FRMD1: variants seen among roughly 807,000 people sequenced by gnomAD.
The protein encoded by FRMD1 is FERM domain-containing protein 1.
In FRMD1, 51 loss-of-function variants were observed where a neutral mutation model predicts 54.9. That is an observed-to-expected ratio of 0.93 (90% CI 0.74 to 1.17). FRMD1 has a LOEUF of 1.17. Among genes scored for constraint, FRMD1 ranks in the 50% most tolerant of loss-of-function variants. FRMD1 has a pLI of 0.00. For synonymous variants in FRMD1, 324 were observed against 306.4 expected (o/e 1.06, Z -0.60); for missense variants, 729 against 743.0 (o/e 0.98, Z 0.22).
intron 1 of FRMD1, among the ~76,000 whole-genome samples, chr6:168,086,757 C>T (rs1257490744): frequency 6.6e-6 from 1 of 152,188 alleles, no homozygotes; most frequent in Non-Finnish European, 1.5e-5. Context: ...CCTTGTGGAA[C>T]AAGCTGGGCT....
Position 168,059,234 on chromosome 6 carries a change from G to T in FRMD1, c.1343-46C>A. On this transcript the variant is annotated intron_variant, in intron 9 of 10. Coordinates refer to ENST00000283309, the MANE Select transcript of FRMD1 (RefSeq NM_024919.6). The surrounding 1 kb of genome is among the most constrained non-coding windows in gnomAD (Gnocchi z 4.4). ...GAGCACAGGTGTCTGGGTTCTGCCC[G>T]ACATGGCTCCTCCCCAGGGCAGTTC... 6.6e-7 allele frequency: 1 copy of T among 1,506,164 alleles called. No individual in the cohort carries two copies. 93.3% of individuals were successfully genotyped at this position (1,506,164 alleles called of 1,614,324 possible). A position where few individuals can be genotyped will look rare whatever the true frequency, so the allele number is the denominator to read the frequency against.
At chr6:168,066,325 C>A (rs1800023715) in intron 4 of FRMD1, 1 of 578,758 alleles carries the variant, frequency 1.7e-6, no homozygotes. Flanking sequence ...ACAGAGAAAC[C>A]CCGTCTCTAC....
upstream of FRMD1, among the ~76,000 whole-genome samples, chr6:168,081,058 A>T (rs556836849): frequency 5.6e-4 from 85 of 152,240 alleles, no homozygotes; most frequent in African/African-American, 2.0e-3. Flanking sequence ...CTTCCTTCCC[A>T]CCCAGAGTCT....
upstream of FRMD1, among the ~76,000 whole-genome samples, chr6:168,085,949 T>C (rs1800910930): frequency 6.6e-6 from 1 of 152,266 alleles, no homozygotes; most frequent in Non-Finnish European, 1.5e-5. Context: ...TGCTGGGTGC[T>C]AATGGTGAAT....
chr6:168,083,704 G>GC (rs1224837959), upstream of FRMD1, among the ~76,000 whole-genome samples: 3 of 152,144 alleles, frequency 2.0e-5, no homozygotes. Context: ...CAGGGCTGGG[G>GC]CCCCAGCCTT....
rs1271735953 is a variant in FRMD1, at chr6:168,053,855, A to G, written c.*3242T>C. 6.6e-6 allele frequency: 1 copy of G among 152,258 alleles called. No homozygotes were observed. Among genetic ancestry groups the G allele is most frequent in the Non-Finnish European group, 1.5e-5 (1 of 68,100 alleles). 9.4% of individuals were successfully genotyped at this position (152,258 alleles called of 1,614,324 possible). Reference sequence around the variant, plus strand: ...TTGCTGGCTGCCCCGGGCCTCCCAGATGGGCACCTGAGGACCCCGGCCTCC... The same window carrying G: ...TTGCTGGCTGCCCCGGGCCTCCCAGGTGGGCACCTGAGGACCCCGGCCTCC... On this transcript the variant is annotated 3_prime_UTR_variant, in exon 11 of 11. Transcript: ENST00000283309.
Position 168,056,929 on chromosome 6 carries a change from T to G in FRMD1, c.*168A>C. 1 of 750,214 alleles carries G rather than the reference T, an allele frequency of 1.3e-6. No individual in the cohort carries two copies. The highest frequency in any genetic ancestry group is 1.9e-6 in the Non-Finnish European group (1 of 515,946). The allele number at this position is 750,214 out of a possible 1,614,324, so 46.5% of individuals were successfully genotyped here. A position where few individuals can be genotyped will look rare whatever the true frequency, so the allele number is the denominator to read the frequency against. On this transcript the variant is annotated 3_prime_UTR_variant, in exon 11 of 11. Transcript: ENST00000283309. The stretch of plus-strand genomic sequence containing the variant: ...CGGGACCTGTTTGTTACCTCCCAGG[T>G]TGATGTCAGAGCCAGCTCCACACCT...
chr6:168,071,508 C>T (rs1175566036), intron 2 of FRMD1, among the ~76,000 whole-genome samples: 2 of 152,122 alleles, frequency 1.3e-5, no homozygotes, highest in Non-Finnish European at 2.9e-5. Flanking sequence ...GTTGAGGGGC[C>T]GGTTCTGAGT....
intron 9 of FRMD1, among the ~76,000 whole-genome samples, chr6:168,060,484 C>T (rs974004408): frequency 3.3e-5 from 5 of 152,114 alleles, no homozygotes; most frequent in Non-Finnish European, 7.4e-5. Flanking sequence ...AGGATCCCAC[C>T]TCTCCTGTCT....
At chr6:168,080,478 A>G (rs919024067), upstream of FRMD1, among the ~76,000 whole-genome samples, 3 of 151,860 alleles carry the variant, frequency 2.0e-5, no homozygotes, top group Non-Finnish European at 4.4e-5. Context: ...AGCCCCAGAG[A>G]GCAGAGGCTG....
intron 1 of FRMD1, among the ~76,000 whole-genome samples, chr6:168,087,577 TG>T (rs1562435908): frequency 6.6e-6 from 1 of 152,194 alleles, no homozygotes; most frequent in Non-Finnish European, 1.5e-5. Context: ...GAGGGTGCAG[TG>T]GCCCTCCTCC....
chr6:168,090,167 C>T (rs1489923829), intron 1 of FRMD1, among the ~76,000 whole-genome samples: 1 of 152,082 alleles, frequency 6.6e-6, no homozygotes. Context: ...GGCTCGTCTC[C>T]CTCCTGAATG....
chr6:168,075,703 C>A, intron 1 of FRMD1: 1 of 1,484,512 alleles, frequency 6.7e-7, no homozygotes, highest in Non-Finnish European at 9.2e-7. Flanking sequence ...CAAATGAATG[C>A]TTGGTTCCCC....
At chr6:168,083,786 C>G (rs1800876245), upstream of FRMD1, among the ~76,000 whole-genome samples, 1 of 152,222 alleles carries the variant, frequency 6.6e-6, no homozygotes, top group Non-Finnish European at 1.5e-5. Flanking sequence ...CATCCTGTCC[C>G]TGGCCGGGGA....
At chr6:168,068,007 G>C (rs1484606743) in intron 2 of FRMD1, among the ~76,000 whole-genome samples, 1 of 152,110 alleles carries the variant, frequency 6.6e-6, no homozygotes, top group South Asian at 2.1e-4. Flanking sequence ...AGCTACTCAG[G>C]GGGCTGAGGC....
chr6:168,061,472 T>A (rs1346159121), intron 8 of FRMD1, among the ~76,000 whole-genome samples: 1 of 152,116 alleles, frequency 6.6e-6, no homozygotes, highest in Non-Finnish European at 1.5e-5. Context: ...GGCCTGTGGG[T>A]AAACACTGAG....
intron 9 of FRMD1, among the ~76,000 whole-genome samples, chr6:168,060,491 GTCTC>G (rs143861390): frequency 6.6e-6 from 1 of 152,136 alleles, no homozygotes; most frequent in Admixed American, 6.5e-5. Flanking sequence ...CACCTCTCCT[GTCTC>G]TGATCCCAGC....
At position 168,063,725 on chromosome 6, in the gene FRMD1, A is replaced by C. The variant is rs1225652208; in HGVS notation, c.680T>G (p.Leu227Arg). The C allele has an allele frequency of 1.2e-6, 2 of 1,613,324 alleles. No homozygotes were observed. Among genetic ancestry groups the C allele is most frequent in the African/African-American group, 1.3e-5 (1 of 74,888 alleles). ...IITKRGIDYI[L>R]RHMPTLHRER... ...ACGGTGCAGGGTAGGCATGTGCCGG[A>C]GGATGTAGTCAATCCCCCTCTTGGT... Residue 227 changes from leucine to arginine, a missense_variant, in exon 6 of 11, where the codon CTC (leucine) becomes CGC (arginine). By Grantham distance (102) the Leu-to-Arg change is moderately radical. Coordinates refer to ENST00000283309, the MANE Select transcript of FRMD1 (RefSeq NM_024919.6).
At chr6:168,089,839 G>A (rs140150398) in intron 1 of FRMD1, among the ~76,000 whole-genome samples, 6 of 152,330 alleles carry the variant, frequency 3.9e-5, no homozygotes, top group African/African-American at 1.4e-4. Context: ...GGGAAAGCAC[G>A]TGAGCCCCGC....
Sources: allele counts gnomAD v4.1 joint callset (sites outside exome capture counted in the v4.1 genomes callset), GRCh38; gene constraint gnomAD v4.1.1; non-coding constraint Gnocchi (gnomAD v3.1); transcripts MANE v1.5; gene names NCBI Gene and HGNC (gene_info 2026-07-23, HGNC 2026-07-21).